The following CYB5A variants were observed in gnomAD, a reference collection of about 807,000 sequenced individuals.
CYB5A encodes cytochrome b5.
Under a neutral mutation model 16.2 loss-of-function variants are expected in CYB5A, and 10 were observed. The ratio of observed to expected loss-of-function variants is 0.62; its 90% confidence interval spans 0.38 to 1.04. CYB5A has a LOEUF of 1.04. Among genes scored for constraint, CYB5A ranks in the 50% least tolerant of loss-of-function variants. The probability of loss-of-function intolerance (pLI) is 0.01; values close to 1 mark genes in which losing one functional copy is unlikely to be tolerated. For synonymous variants in CYB5A, 62 were observed against 57.0 expected (o/e 1.09, Z -0.40); for missense variants, 161 against 165.9 (o/e 0.97, Z 0.16).
intron 1 of CYB5A, among the ~76,000 whole-genome samples, chr18:74,285,729 C>G (rs1366631706): frequency 6.6e-6 from 1 of 151,608 alleles, no homozygotes; most frequent in African/African-American, 2.4e-5. Flanking sequence ...GGCATGGTGG[C>G]TCATGCCTGT....
intron 1 of CYB5A, among the ~76,000 whole-genome samples, chr18:74,266,076 G>A (rs993802399): frequency 2.0e-5 from 3 of 152,198 alleles, no homozygotes; most frequent in African/African-American, 7.2e-5. Context: ...GGGCCATTTA[G>A]ATTATTAAAA....
intron 3 of CYB5A, chr18:74,257,235 C>A: frequency 3.7e-6 from 1 of 273,068 alleles, no homozygotes; most frequent in Non-Finnish European, 7.0e-6. Flanking sequence ...CACCTGCCCT[C>A]CTGCTGCCTT....
In CYB5A at chr18:74,252,476, C is replaced by G. The variant is rs1014952608; in HGVS notation, c.*1108G>C. ...ATTCCAATGTCCCACAATCTCCTTA[C>G]AAATTAGAAAACCAGCCTTTCCTTA... On this transcript the variant is annotated 3_prime_UTR_variant, in exon 5 of 5. Coordinates refer to ENST00000340533, the MANE Select transcript of CYB5A (RefSeq NM_148923.4). 2.6e-5 allele frequency: 4 copies of G among 152,190 alleles called. No homozygotes were observed. The highest frequency in any genetic ancestry group is 9.7e-5 in the African/African-American group (4 of 41,448). 9.4% of individuals were successfully genotyped at this position (152,190 alleles called of 1,614,324 possible).
chr18:74,286,055 T>C (rs1983308383), intron 1 of CYB5A, among the ~76,000 whole-genome samples: 1 of 152,076 alleles, frequency 6.6e-6, no homozygotes, highest in South Asian at 2.1e-4. Flanking sequence ...AACACCTAGT[T>C]TAGTGGGGAA....
chr18:74,255,995 C>A (rs1486243279), intron 3 of CYB5A: 4 of 535,686 alleles, frequency 7.5e-6, no homozygotes, highest in Non-Finnish European at 1.3e-5. Context: ...AAGGACATAA[C>A]CTCAATAATT....
At position 74,253,176 on chromosome 18, in the gene CYB5A, C is replaced by T. The variant is rs1167183669; in HGVS notation, c.*408G>A. 4 of 241,254 alleles carry T rather than the reference C, an allele frequency of 1.7e-5. No individual in the cohort carries two copies. Among genetic ancestry groups the T allele is most frequent in the East Asian group, 1.2e-4 (1 of 8,466 alleles). The allele number at this position is 241,254 out of a possible 1,614,324, so 14.9% of individuals were successfully genotyped here. A position where few individuals can be genotyped will look rare whatever the true frequency, so the allele number is the denominator to read the frequency against. ...AAAGGAGACACTCAAACCTATTTCC[C>T]GCACCTCCAGTCATATGGCCTCTGT... On this transcript the variant is annotated 3_prime_UTR_variant, in exon 5 of 5. Coordinates refer to ENST00000340533, the MANE Select transcript of CYB5A (RefSeq NM_148923.4).
chr18:74,271,668 G>C (rs532155357), intron 1 of CYB5A, among the ~76,000 whole-genome samples: 98 of 152,202 alleles, frequency 6.4e-4, no homozygotes, highest in African/African-American at 2.2e-3. Flanking sequence ...GTGTGTGTGT[G>C]TGTCTGTGTG....
chr18:74,260,005 A>T (rs929787931), intron 3 of CYB5A: 1 of 152,150 alleles, frequency 6.6e-6, no homozygotes, highest in African/African-American at 2.4e-5. Context: ...ACTATCAGGG[A>T]TGTTGAGGTA....
chr18:74,268,636 T>G (rs1599255251), intron 1 of CYB5A, among the ~76,000 whole-genome samples: 1 of 151,290 alleles, frequency 6.6e-6, no homozygotes, highest in Non-Finnish European at 1.5e-5. Context: ...GAGGGTAGGG[T>G]GGGGGCAGCT....
chr18:74,283,946 G>T (rs754780526), intron 1 of CYB5A, among the ~76,000 whole-genome samples: 1 of 152,146 alleles, frequency 6.6e-6, no homozygotes, highest in South Asian at 2.1e-4. Context: ...AAGATTAAAA[G>T]CACAGGCCGG....
At chr18:74,281,150 C>T (rs1790835) in intron 1 of CYB5A, among the ~76,000 whole-genome samples, 35,571 of 152,032 alleles carry the variant, frequency 0.23, 4,432 homozygotes, top group South Asian at 0.34. Flanking sequence ...AAGAGAGGAG[C>T]ACAACCCCCA....
chr18:74,277,374 A>G (rs1275192740), intron 1 of CYB5A, among the ~76,000 whole-genome samples: 1 of 152,210 alleles, frequency 6.6e-6, no homozygotes, highest in Admixed American at 6.5e-5. Context: ...CTGTATCCCC[A>G]TAAGCCTTGA....
chr18:74,291,523 C>T (rs533487254), intron 1 of CYB5A, among the ~76,000 whole-genome samples: 41 of 149,570 alleles, frequency 2.7e-4, no homozygotes, highest in Non-Finnish European at 3.6e-4. Context: ...CAGGTGTGAG[C>T]GCGCAGGTGT....
At chr18:74,281,205 G>A (rs1279698405) in intron 1 of CYB5A, among the ~76,000 whole-genome samples, 12 of 152,196 alleles carry the variant, frequency 7.9e-5, no homozygotes, top group African/African-American at 2.9e-4. Flanking sequence ...GCCATCTGCT[G>A]AGATGGGGAC....
intron 4 of CYB5A, among the ~76,000 whole-genome samples, chr18:74,254,458 A>G (rs1325925848): frequency 6.7e-6 from 1 of 149,832 alleles, no homozygotes; most frequent in African/African-American, 2.4e-5. Flanking sequence ...ATTTCGATCT[A>G]TAAATTACAG....
At chr18:74,261,010 C>T (rs1982179114) in intron 2 of CYB5A, 66 bp from the exon 3 acceptor site, 1 of 1,241,320 alleles carries the variant, frequency 8.1e-7, no homozygotes. Flanking sequence ...TTCCAAAATG[C>T]TGACTTTGAG....
intron 1 of CYB5A, among the ~76,000 whole-genome samples, chr18:74,263,961 G>A (rs887985142): frequency 6.6e-6 from 1 of 151,946 alleles, no homozygotes; most frequent in Non-Finnish European, 1.5e-5. Context: ...GCCGGGCACG[G>A]TAGCTCACGC....
At chr18:74,274,880 T>G (rs1227739275) in intron 1 of CYB5A, among the ~76,000 whole-genome samples, 2 of 152,240 alleles carry the variant, frequency 1.3e-5, no homozygotes, top group African/African-American at 4.8e-5. Flanking sequence ...TCTGGCTCAA[T>G]TGACAGCAGA....
intron 1 of CYB5A, among the ~76,000 whole-genome samples, chr18:74,280,388 C>T (rs1005538530): frequency 6.8e-6 from 1 of 146,484 alleles, no homozygotes; most frequent in Non-Finnish European, 1.5e-5. Context: ...CTGGGCAACA[C>T]GGCAAAACCC....
Sources: allele counts gnomAD v4.1 joint callset (sites outside exome capture counted in the v4.1 genomes callset), GRCh38; gene constraint gnomAD v4.1.1; transcripts MANE v1.5; gene names NCBI Gene and HGNC (gene_info 2026-07-23, HGNC 2026-07-21).